TRAT1: variants seen among roughly 807,000 people sequenced by gnomAD.
TRAT1 encodes T-cell receptor-associated transmembrane adapter 1.
A neutral mutation model predicts 20.0 loss-of-function variants in TRAT1; 20 were observed. That is an observed-to-expected ratio of 1.00 (90% confidence interval 0.70 to 1.45). The LOEUF (loss-of-function observed/expected upper bound fraction) is 1.45. Ranked by LOEUF, TRAT1 falls within the 40% of genes most tolerant of loss-of-function variation. TRAT1 has a pLI of 0.00. For synonymous variants in TRAT1, 77 were observed against 74.2 expected, an observed-to-expected ratio of 1.04 and a Z score of -0.20; for missense variants, 237 against 224.1, an observed-to-expected ratio of 1.06 and a Z score of -0.37.
intron 2 of TRAT1, among the ~76,000 whole-genome samples, chr3:108,838,311 G>A (rs1463897634): frequency 6.8e-6 from 1 of 146,770 alleles, no homozygotes; most frequent in African/African-American, 2.6e-5. Context: ...GCCAAGAAAT[G>A]TTAAAAGTAG....
At chr3:108,829,952 G>T (rs1227291480) in intron 1 of TRAT1, among the ~76,000 whole-genome samples, 1 of 152,120 alleles carries the variant, frequency 6.6e-6, no homozygotes, top group Non-Finnish European at 1.5e-5. Context: ...GCCTCAGGTA[G>T]GTCCTTCAGG....
At chr3:108,826,273 G>C (rs1207746140) in intron 1 of TRAT1, among the ~76,000 whole-genome samples, 1 of 151,624 alleles carries the variant, frequency 6.6e-6, no homozygotes, top group Non-Finnish European at 1.5e-5. Flanking sequence ...TCCACAGTTT[G>C]AAAATAGGTA....
chr3:108,850,697 A>G (rs1207802252), intron 5 of TRAT1, among the ~76,000 whole-genome samples: 2 of 152,234 alleles, frequency 1.3e-5, no homozygotes, highest in African/African-American at 4.8e-5. Flanking sequence ...ATTATAAAAT[A>G]TATTTTAGAT....
chr3:108,836,244 G>A (rs1945841592), intron 2 of TRAT1, among the ~76,000 whole-genome samples: 1 of 152,078 alleles, frequency 6.6e-6, no homozygotes, highest in Non-Finnish European at 1.5e-5. Context: ...TGTTACACTA[G>A]TATTCTTTCT....
chr3:108,840,142 T>G (rs961695181), intron 3 of TRAT1, among the ~76,000 whole-genome samples: 2 of 152,120 alleles, frequency 1.3e-5, no homozygotes, highest in Non-Finnish European at 2.9e-5. Context: ...GAAAATTTCT[T>G]GAGCAAGTAT....
chr3:108,844,990 A>G (rs1945929026), intron 3 of TRAT1, among the ~76,000 whole-genome samples: 1 of 152,068 alleles, frequency 6.6e-6, no homozygotes, highest in African/African-American at 2.4e-5. Flanking sequence ...GAATTATTTC[A>G]GGCATGTTCA....
chr3:108,839,263 C>A, intron 3 of TRAT1: 1 of 375,258 alleles, frequency 2.7e-6, no homozygotes, highest in Non-Finnish European at 4.8e-6. Context: ...AGATTATGAT[C>A]CAGCTTAGAT....
intron 2 of TRAT1, among the ~76,000 whole-genome samples, chr3:108,831,183 C>G (rs751395172): frequency 5.3e-5 from 8 of 152,184 alleles, no homozygotes; most frequent in Admixed American, 1.3e-4. Context: ...TTCTCAGGAT[C>G]AGTCAGGCAT....
At position 108,828,962 on chromosome 3, in the gene TRAT1, G is replaced by C. The variant is rs539640769; in HGVS notation, c.8-1708G>C. Among the ~76,000 whole-genome samples the C allele has an allele frequency of 5.9e-5, 9 of 152,128 alleles. No individual in the cohort carries two copies. In the South Asian group the frequency reaches 1.0e-3, roughly 18 times the overall value. Reference sequence around the variant, plus strand: ...GGTAGATCCAGGTAGTTTCACACAGGCAAGGTCAAAATAATCTTTCTGAAA... The same window carrying C: ...GGTAGATCCAGGTAGTTTCACACAGCCAAGGTCAAAATAATCTTTCTGAAA... On this transcript the variant is annotated intron_variant, in intron 1 of 5. Transcript: ENST00000295756.
intron 1 of TRAT1, among the ~76,000 whole-genome samples, chr3:108,828,940 A>T (rs1559819961): frequency 6.6e-6 from 1 of 152,208 alleles, no homozygotes; most frequent in Non-Finnish European, 1.5e-5. Flanking sequence ...ATTCATGGGT[A>T]GATCCAGGTA....
chr3:108,827,874 A>T (rs961979054), intron 1 of TRAT1, among the ~76,000 whole-genome samples: 4 of 152,148 alleles, frequency 2.6e-5, no homozygotes, highest in African/African-American at 9.7e-5. Flanking sequence ...TTTCATGAAA[A>T]TTATTAGGAC....
chr3:108,836,325 G>C (rs1051271966), intron 2 of TRAT1, among the ~76,000 whole-genome samples: 2 of 152,132 alleles, frequency 1.3e-5, no homozygotes, highest in African/African-American at 4.8e-5. Flanking sequence ...ACATTAGCCT[G>C]TTTGGGGAAT....
intron 5 of TRAT1, among the ~76,000 whole-genome samples, chr3:108,852,316 G>T (rs1282767046): frequency 1.3e-5 from 2 of 152,126 alleles, no homozygotes; most frequent in Non-Finnish European, 2.9e-5. Flanking sequence ...GGGAGGCAGA[G>T]GTTGCAGTGA....
intron 3 of TRAT1, among the ~76,000 whole-genome samples, chr3:108,845,705 T>C (rs1945936519): frequency 1.4e-5 from 2 of 145,594 alleles, no homozygotes; most frequent in Admixed American, 7.6e-5. Flanking sequence ...ATAAGAGTCC[T>C]TTTTTTTTTT....
intron 4 of TRAT1, among the ~76,000 whole-genome samples, chr3:108,848,831 T>C (rs1486780623): frequency 1.3e-5 from 2 of 152,268 alleles, no homozygotes; most frequent in Non-Finnish European, 2.9e-5. Flanking sequence ...TAAAGAATAC[T>C]GGCAATCCCT....
intron 5 of TRAT1, among the ~76,000 whole-genome samples, chr3:108,850,520 G>A (rs113518967): frequency 1.3e-5 from 2 of 151,958 alleles, no homozygotes; most frequent in African/African-American, 4.8e-5. Flanking sequence ...GGTTAGGCTG[G>A]TCGCAAACTC....
intron 3 of TRAT1, among the ~76,000 whole-genome samples, chr3:108,845,675 T>C (rs982700847): frequency 1.3e-5 from 2 of 152,208 alleles, no homozygotes; most frequent in African/African-American, 4.8e-5. Flanking sequence ...TAGAGAGTAA[T>C]ACAGGTGTTA....
chr3:108,828,208 A>T (rs1945759304), intron 1 of TRAT1, among the ~76,000 whole-genome samples: 1 of 152,182 alleles, frequency 6.6e-6, no homozygotes. Flanking sequence ...TATACTAAAC[A>T]CTACATGCTG....
chr3:108,841,569 AT>A (rs1945897044), intron 3 of TRAT1, among the ~76,000 whole-genome samples: 1 of 152,148 alleles, frequency 6.6e-6, no homozygotes, highest in African/African-American at 2.4e-5. Context: ...GAGAAAGGAA[AT>A]AAACTTCTAT....
Sources: gnomAD v4.1 joint callset for allele counts (sites outside exome capture counted in the v4.1 genomes callset) on GRCh38, gnomAD v4.1.1 for gene constraint, MANE v1.5 for transcripts, NCBI Gene and HGNC (gene_info 2026-07-23, HGNC 2026-07-21) for gene names.